VPS8: variants seen among roughly 807,000 people sequenced by gnomAD.
VPS8 encodes vacuolar protein sorting-associated protein 8 homolog.
In VPS8, 129 loss-of-function variants were observed where a neutral mutation model predicts 216.4. The observed-to-expected ratio is 0.60, with a 90% CI of 0.52 to 0.69. The LOEUF is 0.69. VPS8 is among the 30% of genes least tolerant of loss of function. The pLI is 0.00. For synonymous variants in VPS8, 571 were observed against 565.4 expected (o/e 1.01, Z -0.14); for missense variants, 1,531 against 1,683.5 (o/e 0.91, Z 1.59).
intron 46 of VPS8, among the ~76,000 whole-genome samples, chr3:185,034,566 T>C (rs1168143328): frequency 1.3e-5 from 2 of 152,176 alleles, no homozygotes; most frequent in Non-Finnish European, 2.9e-5. Context: ...TTTGAGAATA[T>C]CTCCTCCTGT....
At chr3:184,931,076 T>C (rs187902878) in intron 34 of VPS8, among the ~76,000 whole-genome samples, 80 of 152,300 alleles carry the variant, frequency 5.3e-4, no homozygotes, top group Non-Finnish European at 7.5e-4. Context: ...AAAAAGTTCC[T>C]ATTAAGAAAC....
intron 36 of VPS8, among the ~76,000 whole-genome samples, chr3:184,941,060 A>G (rs902848390): frequency 1.3e-5 from 2 of 152,262 alleles, no homozygotes; most frequent in African/African-American, 4.8e-5. Flanking sequence ...AAGATGACAT[A>G]GCTTTCATAT....
At chr3:185,038,312 C>T (rs1759178355) in intron 46 of VPS8, among the ~76,000 whole-genome samples, 1 of 152,204 alleles carries the variant, frequency 6.6e-6, no homozygotes, top group African/African-American at 2.4e-5. Flanking sequence ...TTAAGCTCTA[C>T]AAATTGCCTG....
intron 35 of VPS8, among the ~76,000 whole-genome samples, chr3:184,938,649 CTTTTTTTTT>C (rs113635324): frequency 1.4e-4 from 20 of 140,740 alleles, no homozygotes; most frequent in Non-Finnish European, 2.9e-4. Context: ...TTCTTTTTTT[CTTTTTTTTT>C]TTTTGTAGTC....
chr3:184,997,292 C>T (rs746060460), intron 44 of VPS8, among the ~76,000 whole-genome samples: 19 of 152,220 alleles, frequency 1.2e-4, no homozygotes, highest in Non-Finnish European at 2.6e-4. Flanking sequence ...GACTCTACTA[C>T]ATGCCAGCTG....
chr3:185,003,360 C>T (rs375659208), intron 45 of VPS8, among the ~76,000 whole-genome samples: 31 of 146,452 alleles, frequency 2.1e-4, no homozygotes, highest in African/African-American at 6.7e-4. Context: ...TGACTCTTAA[C>T]GAGCATGCTG....
rs76979375 is a variant in VPS8 at position 184,889,315 on chromosome 3, A to T, written c.1781+3159A>T. The stretch of plus-strand genomic sequence containing the variant: ...ACAAATACAATATTTGTTGTTGGAG[A>T]TCTCAGAAATAACAGGAACAGCAGT... On this transcript the variant is annotated intron_variant, in intron 22 of 47. Transcript: ENST00000625842. Among the ~76,000 whole-genome samples, 695 of 151,928 alleles carry T rather than the reference A, an allele frequency of 4.6e-3. 8 individuals carry two copies. Among genetic ancestry groups the T allele is most frequent in the African/African-American group, 0.016 (652 of 41,388 alleles).
intron 29 of VPS8, among the ~76,000 whole-genome samples, chr3:184,924,194 G>C (rs1230004726): frequency 1.3e-5 from 2 of 152,198 alleles, no homozygotes; most frequent in Non-Finnish European, 2.9e-5. Context: ...TCATTGGTCT[G>C]TGTGATAGCT....
chr3:184,974,857 A>G (rs1285615725), intron 40 of VPS8, among the ~76,000 whole-genome samples: 10 of 152,158 alleles, frequency 6.6e-5, no homozygotes, highest in African/African-American at 1.9e-4. Context: ...GTGAAAAATC[A>G]GTCAGCTACA....
chr3:184,884,047 C>A (rs1730738507), intron 21 of VPS8, among the ~76,000 whole-genome samples: 1 of 152,092 alleles, frequency 6.6e-6, no homozygotes, highest in Non-Finnish European at 1.5e-5. Context: ...TTGCTTCTTT[C>A]AAGTATCTGA....
chr3:185,039,114 C>T (rs1759296203), intron 46 of VPS8, among the ~76,000 whole-genome samples: 1 of 152,166 alleles, frequency 6.6e-6, no homozygotes, highest in African/African-American at 2.4e-5. Flanking sequence ...GTGTGGAGTT[C>T]TACCTTACTG....
chr3:184,855,062 T>C (rs1017281857), intron 13 of VPS8, among the ~76,000 whole-genome samples: 1 of 152,168 alleles, frequency 6.6e-6, no homozygotes, highest in African/African-American at 2.4e-5. Flanking sequence ...CAAAACTGGC[T>C]TAGATGGCCA....
rs549793579 is a variant in VPS8 at position 184,966,940 on chromosome 3, T to C, written c.3316+227T>C. ...GATGTTAATTTTCGGTGGAGTTAAA[T>C]ATACAGAAAATTATGCACTGTTTGT... On this transcript the variant is annotated intron_variant, in intron 39 of 47. Transcript: ENST00000625842. Among the ~76,000 whole-genome samples, 134 of 151,954 alleles carry C rather than the reference T, an allele frequency of 8.8e-4. 1 individual carries two copies. The highest frequency in any genetic ancestry group is 1.7e-3 in the Non-Finnish European group (118 of 67,986).
intron 24 of VPS8, among the ~76,000 whole-genome samples, chr3:184,900,679 TA>T (rs796394308): frequency 1.3e-5 from 2 of 152,342 alleles, no homozygotes; most frequent in African/African-American, 4.8e-5. Flanking sequence ...TAATCTCAGA[TA>T]AGCCCTTTAT....
intron 15 of VPS8, among the ~76,000 whole-genome samples, chr3:184,860,965 G>A (rs533076138): frequency 5.9e-5 from 9 of 151,774 alleles, no homozygotes; most frequent in Non-Finnish European, 1.2e-4. Flanking sequence ...GGGACTACAG[G>A]TGCCCCCCCA....
At chr3:184,916,010 CCTCT>C (rs1737501798) in intron 28 of VPS8, among the ~76,000 whole-genome samples, 2 of 152,104 alleles carry the variant, frequency 1.3e-5, no homozygotes, top group South Asian at 2.1e-4. Flanking sequence ...TCCTTTCCTC[CCTCT>C]CTCCTTCTCT....
rs771523318 is a variant in VPS8, at chr3:184,898,683, ATTAAT to A, written c.2094+32_2094+36del. On this transcript the variant is annotated intron_variant, in intron 24 of 47. Transcript: ENST00000625842. ...AGATACTTCCTAACTTGGATACGTA[ATTAAT>A]TTTGTCTACTAACTTTTTTCTCCTA... 27 of 1,493,034 alleles carry A rather than the reference ATTAAT, an allele frequency of 1.8e-5. No individual in the cohort carries two copies. The Admixed American group carries it at 6.5e-4, about 36-fold the overall frequency. 92.5% of individuals were successfully genotyped at this position (1,493,034 alleles called of 1,614,324 possible).
intron 1 of VPS8, among the ~76,000 whole-genome samples, chr3:184,823,459 G>T (rs1234383317): frequency 6.6e-6 from 1 of 152,174 alleles, no homozygotes; most frequent in Non-Finnish European, 1.5e-5. Flanking sequence ...GAAGCTCACT[G>T]CAGGGCAAGG....
At position 184,886,091 on chromosome 3, in the gene VPS8, C is replaced by T. The variant is rs779535954; in HGVS notation, c.1735-19C>T. 28 of 1,604,628 alleles carry T rather than the reference C, an allele frequency of 1.7e-5. No homozygotes were observed. Among genetic ancestry groups the T allele is most frequent in the Non-Finnish European group, 2.3e-5 (27 of 1,175,308 alleles). On this transcript the variant is annotated intron_variant, in intron 21 of 47. Transcript: ENST00000625842. Reference sequence around the variant, plus strand: ...GACAGGGTTGTGGGGCTGATGCTTTCTTTATGGTTCCTCTACAGGATATGG... The same window carrying T: ...GACAGGGTTGTGGGGCTGATGCTTTTTTTATGGTTCCTCTACAGGATATGG...
Sources: allele counts gnomAD v4.1 joint callset (sites outside exome capture counted in the v4.1 genomes callset), GRCh38; gene constraint gnomAD v4.1.1; transcripts MANE v1.5; gene names NCBI Gene and HGNC (gene_info 2026-07-23, HGNC 2026-07-21).